The following SLC2A9 variants were observed in gnomAD, a reference collection of about 807,000 sequenced individuals.
SLC2A9 encodes solute carrier family 2, facilitated glucose transporter member 9.
Under a neutral mutation model 50.6 loss-of-function variants are expected in SLC2A9, and 39 were observed. That is an observed-to-expected ratio of 0.77 (90% CI 0.60 to 1.01). SLC2A9 has a LOEUF of 1.01. Among genes scored for constraint, SLC2A9 ranks in the 50% least tolerant of loss-of-function variants. The probability of loss-of-function intolerance (pLI) is 0.00; values close to 1 mark genes in which losing one functional copy is unlikely to be tolerated. For synonymous variants in SLC2A9, 324 were observed against 276.9 expected, an observed-to-expected ratio of 1.17 and a Z score of -1.69; for missense variants, 686 against 677.6, an observed-to-expected ratio of 1.01 and a Z score of -0.14.
chr4:9,847,784 T>C (rs368353270), intron 10 of SLC2A9, among the ~76,000 whole-genome samples: 168 of 152,336 alleles, frequency 1.1e-3, no homozygotes, highest in African/African-American at 3.9e-3. Context: ...TGAAAGGTTT[T>C]CCCTTTGTAG....
downstream of SLC2A9, among the ~76,000 whole-genome samples, chr4:9,825,396 T>C (rs1395838404): frequency 6.6e-6 from 1 of 152,186 alleles, no homozygotes; most frequent in Non-Finnish European, 1.5e-5. Context: ...GCACTTTGAG[T>C]GATGGTGAAC....
At chr4:9,915,499 G>C (rs1019239800) in intron 7 of SLC2A9, among the ~76,000 whole-genome samples, 6 of 152,210 alleles carry the variant, frequency 3.9e-5, no homozygotes, top group Non-Finnish European at 7.3e-5. Flanking sequence ...GGCTCCCAAA[G>C]TGCTGGGATT....
intron 5 of SLC2A9, among the ~76,000 whole-genome samples, chr4:9,961,634 C>G (rs796869231): frequency 1.3e-5 from 2 of 152,108 alleles, no homozygotes; most frequent in South Asian, 4.1e-4. Context: ...CTAGGGAATA[C>G]CATTCAGGAC....
At chr4:10,032,613 CCAAGT>C (rs924481115) in intron 1 of SLC2A9, among the ~76,000 whole-genome samples, 1 of 152,016 alleles carries the variant, frequency 6.6e-6, no homozygotes, top group African/African-American at 2.4e-5. Context: ...GATGCTCATA[CCAAGT>C]CAAGTCTACT....
chr4:9,810,842 AGTGGGCAATGCCCTTT>A (rs1560140586), intron 3 of SLC2A9, among the ~76,000 whole-genome samples: 1 of 152,238 alleles, frequency 6.6e-6, no homozygotes, highest in African/African-American at 2.4e-5. Context: ...TGGAAGGGCC[AGTGGGCAATGCCCTTT>A]GACACCCTGA....
intron 7 of SLC2A9, among the ~76,000 whole-genome samples, chr4:9,918,782 G>C (rs538978050): frequency 1.3e-5 from 2 of 152,150 alleles, no homozygotes; most frequent in Non-Finnish European, 2.9e-5. Flanking sequence ...TCTGACTCTT[G>C]GTCCAGAGCT....
chr4:10,037,904 C>T (rs12506932), intron 1 of SLC2A9, among the ~76,000 whole-genome samples: 4 of 151,952 alleles, frequency 2.6e-5, no homozygotes, highest in African/African-American at 9.7e-5. Flanking sequence ...TGAGCTGAGA[C>T]GGCACCACTG....
In SLC2A9 at chr4:9,834,775, T is replaced by C; in HGVS notation, c.1419+106A>G. On this transcript the variant is annotated intron_variant, in intron 11 of 11. Coordinates refer to ENST00000264784, the MANE Select transcript of SLC2A9 (RefSeq NM_020041.3). Reference sequence around the variant, plus strand: ...TCCTTCCTTAGGAAAATAGCATGAGTTTCCAGTTGAGAGGAGAGAGATCAA... The same window carrying C: ...TCCTTCCTTAGGAAAATAGCATGAGCTTCCAGTTGAGAGGAGAGAGATCAA... The C allele has an allele frequency of 1.9e-6, 3 of 1,538,816 alleles. 1 individual carries two copies. Among genetic ancestry groups the C allele is most frequent in the African/African-American group, 1.4e-5 (1 of 73,128 alleles).
intron 5 of SLC2A9, among the ~76,000 whole-genome samples, chr4:9,945,923 C>T (rs762768936): frequency 5.9e-5 from 9 of 152,186 alleles, no homozygotes; most frequent in Non-Finnish European, 8.8e-5. Context: ...TCACAAACAG[C>T]GCTTGCCATT....
chr4:9,773,724 C>T (rs1301180862), intron 1 of SLC2A9, among the ~76,000 whole-genome samples: 2 of 152,184 alleles, frequency 1.3e-5, no homozygotes, highest in Admixed American at 6.5e-5. Context: ...TGAGGCTGAG[C>T]TCTGACAAGT....
chr4:9,906,752 T>C (rs1383423281), intron 8 of SLC2A9, among the ~76,000 whole-genome samples: 1 of 152,222 alleles, frequency 6.6e-6, no homozygotes, highest in East Asian at 1.9e-4. Flanking sequence ...ACTTCCCCCA[T>C]AAGTTTCATC....
chr4:9,985,078 C>T (rs1756489802), intron 4 of SLC2A9, among the ~76,000 whole-genome samples: 1 of 152,140 alleles, frequency 6.6e-6, no homozygotes, highest in Admixed American at 6.5e-5. Context: ...CTTCTCTGAG[C>T]AGTCTTCCCT....
At chr4:9,788,031 A>G (rs1177482935) in intron 3 of SLC2A9, among the ~76,000 whole-genome samples, 4 of 152,202 alleles carry the variant, frequency 2.6e-5, no homozygotes, top group African/African-American at 9.7e-5. Context: ...AGCATTTATT[A>G]GTGGCCCTTC....
At chr4:9,921,839 T>A (rs1744008527) in intron 6 of SLC2A9, among the ~76,000 whole-genome samples, 1 of 152,240 alleles carries the variant, frequency 6.6e-6, no homozygotes, top group African/African-American at 2.4e-5. Flanking sequence ...AAAATAACTC[T>A]AGACTTCTGG....
intron 7 of SLC2A9, among the ~76,000 whole-genome samples, chr4:9,916,579 A>G (rs1351400103): frequency 6.6e-6 from 1 of 152,212 alleles, no homozygotes; most frequent in African/African-American, 2.4e-5. Flanking sequence ...GATATTTTAC[A>G]TAATTCCACA....
intron 3 of SLC2A9, among the ~76,000 whole-genome samples, chr4:9,785,874 C>CA (rs1229231681): frequency 4.6e-5 from 7 of 151,982 alleles, no homozygotes; most frequent in African/African-American, 7.3e-5. Context: ...TGCTATGTTG[C>CA]AAAAAAACCC....
intron 7 of SLC2A9, among the ~76,000 whole-genome samples, chr4:9,913,958 A>G (rs1166568814): frequency 6.6e-6 from 1 of 152,182 alleles, no homozygotes; most frequent in Admixed American, 6.5e-5. Context: ...TATCTATTGT[A>G]AATCCCCAAA....
At chr4:9,849,414 T>C (rs1189471181) in intron 10 of SLC2A9, among the ~76,000 whole-genome samples, 1 of 152,198 alleles carries the variant, frequency 6.6e-6, no homozygotes, top group Admixed American at 6.5e-5. Context: ...AACTTGAATT[T>C]GTGTAGGATC....
At chr4:10,008,927 A>G (rs1761289394) in intron 2 of SLC2A9, among the ~76,000 whole-genome samples, 1 of 148,704 alleles carries the variant, frequency 6.7e-6, no homozygotes, top group African/African-American at 2.5e-5. Flanking sequence ...TCCTAATGGA[A>G]GTCTGTTGCT....
Sources: allele counts gnomAD v4.1 joint callset (sites outside exome capture counted in the v4.1 genomes callset), GRCh38; gene constraint gnomAD v4.1.1; transcripts MANE v1.5; gene names NCBI Gene and HGNC (gene_info 2026-07-23, HGNC 2026-07-21).